The following CNEP1R1 variants were observed in gnomAD, a reference collection of about 807,000 sequenced individuals.
The protein encoded by CNEP1R1 is nuclear envelope phosphatase-regulatory subunit 1.
In CNEP1R1, 10 loss-of-function variants were observed where a neutral mutation model predicts 22.7. The ratio of observed to expected loss-of-function variants is 0.44; its 90% confidence interval spans 0.27 to 0.75. CNEP1R1 has a LOEUF of 0.75. CNEP1R1 is among the 30% of genes least tolerant of loss of function. The probability of loss-of-function intolerance (pLI) is 0.17; values close to 1 mark genes in which losing one functional copy is unlikely to be tolerated. For synonymous variants in CNEP1R1, 53 were observed against 50.1 expected (o/e 1.06, Z -0.25); for missense variants, 73 against 151.5 (o/e 0.48, Z 2.72).
chr16:50,028,253 G>C (rs1301275567), intron 2 of CNEP1R1, among the ~76,000 whole-genome samples: 2 of 152,166 alleles, frequency 1.3e-5, no homozygotes, highest in East Asian at 1.9e-4. Context: ...GAGCCACCAC[G>C]CTGGGCCAAA....
intron 2 of CNEP1R1, 21 bp downstream of exon 2, chr16:50,026,488 T>G: frequency 6.4e-7 from 1 of 1,556,312 alleles, no homozygotes; most frequent in South Asian, 1.1e-5. Context: ...GAATGTTATT[T>G]TAAGGGAAAA....
chr16:50,035,420 G>T lies in CNEP1R1; in HGVS notation c.340G>T (p.Gly114Ter). The change falls in exon 6 of 6, where the codon GGA (glycine) becomes TGA (stop). Residue 114 changes from glycine (G) to a stop codon, truncating the protein, a stop_gained. Coordinates refer to ENST00000427478, the MANE Select transcript of CNEP1R1 (RefSeq NM_001281789.2). LOFTEE classifies it high-confidence loss of function. Reference protein sequence around the residue: ...AEYNMSCDDTGKLILKPRPHV... With the variant: ...AEYNMSCDDT ...TTCTGTCTTTTCATTTTTGCAGACA[G>T]GAAAACTAATTTTGAAACCTAGGCC... 6.4e-7 allele frequency: 1 copy of T among 1,568,350 alleles called. No individual in the cohort carries two copies.
intron 5 of CNEP1R1, chr16:50,034,439 A>G (rs191355974): frequency 7.7e-5 from 31 of 400,376 alleles, no homozygotes; most frequent in African/African-American, 4.9e-4. Flanking sequence ...TCTTAGATTC[A>G]GTGAAGTACA....
intron 2 of CNEP1R1, chr16:50,026,857 C>T (rs1030637058): frequency 1.2e-5 from 2 of 171,830 alleles, no homozygotes; most frequent in East Asian, 3.1e-4. Flanking sequence ...CCTGTGATCC[C>T]AGCTACTCAG....
chr16:50,032,570 G>A (rs2036240265), intron 3 of CNEP1R1, among the ~76,000 whole-genome samples: 1 of 152,204 alleles, frequency 6.6e-6, no homozygotes, highest in Non-Finnish European at 1.5e-5. Context: ...AGTGTTATGA[G>A]GATATGTAAG....
At chr16:50,028,399 A>G (rs76111618) in intron 2 of CNEP1R1, among the ~76,000 whole-genome samples, 4,244 of 152,282 alleles carry the variant, frequency 0.028, 206 homozygotes, top group African/African-American at 0.098. Flanking sequence ...TATTGAAGCT[A>G]AGGATCTAAG....
In CNEP1R1 at chr16:50,036,944, T is replaced by G. The variant is rs2036284959; in HGVS notation, c.*1486T>G. The G allele has an allele frequency of 6.5e-6, 1 of 152,672 alleles. No homozygotes were observed. Among genetic ancestry groups the G allele is most frequent in the Admixed American group, 6.5e-5 (1 of 15,284 alleles). The allele number at this position is 152,672 out of a possible 1,614,324, so 9.5% of individuals were successfully genotyped here. A position where few individuals can be genotyped will look rare whatever the true frequency, so the allele number is the denominator to read the frequency against. ...TCTTAGCTTTCACTTGTATAAAATT[T>G]GATTCTTTGAACTGCAGCAATAAAA... On this transcript the variant is annotated 3_prime_UTR_variant, in exon 6 of 6. Transcript: ENST00000427478.
chr16:50,028,217 T>C (rs368850987), intron 2 of CNEP1R1, among the ~76,000 whole-genome samples: 1 of 152,218 alleles, frequency 6.6e-6, no homozygotes, highest in East Asian at 1.9e-4. Flanking sequence ...CATCCTGGCT[T>C]CCCAAAGTGC....
intron 2 of CNEP1R1, chr16:50,026,684 A>G: frequency 7.5e-6 from 4 of 529,978 alleles, no homozygotes; most frequent in South Asian, 4.7e-5. Context: ...ATTAAAAAAC[A>G]TATTTTTTGG....
chr16:50,029,868 G>T, intron 3 of CNEP1R1, 70 bp downstream of exon 3: 1 of 897,584 alleles, frequency 1.1e-6, no homozygotes, highest in Non-Finnish European at 1.8e-6. Flanking sequence ...CTTTGTTAAT[G>T]ATAAAGTATT....
chr16:50,025,858 A>G lies in CNEP1R1; in HGVS notation c.25+518A>G, dbSNP rs113657398. The G allele has an allele frequency of 7.4e-4, 463 of 626,924 alleles. 1 individual carries two copies. In the African/African-American group the frequency reaches 8.1e-3, roughly 11 times the overall value. The allele number at this position is 626,924 out of a possible 1,614,324, so 38.8% of individuals were successfully genotyped here. A position where few individuals can be genotyped will look rare whatever the true frequency, so the allele number is the denominator to read the frequency against. On this transcript the variant is annotated intron_variant, in intron 1 of 5. Coordinates refer to ENST00000427478, the MANE Select transcript of CNEP1R1 (RefSeq NM_001281789.2). Reference sequence around the variant, plus strand: ...CACCTGTACCCCTTCGGAGGGGGCAAGGGGAATGTCTTTCCACACCCACTC... The same window carrying G: ...CACCTGTACCCCTTCGGAGGGGGCAGGGGGAATGTCTTTCCACACCCACTC...
chr16:50,025,881 C>T (rs928771072), intron 1 of CNEP1R1: 1 of 600,132 alleles, frequency 1.7e-6, no homozygotes, highest in East Asian at 2.8e-5. Context: ...TCCACACCCA[C>T]TCGCTATCAG....
At chr16:50,028,198 TG>T (rs1388819770) in intron 2 of CNEP1R1, among the ~76,000 whole-genome samples, 2 of 152,178 alleles carry the variant, frequency 1.3e-5, no homozygotes, top group African/African-American at 4.8e-5. Context: ...TCACCTCAGG[TG>T]ATCCTCCCAT....
chr16:50,033,120 G>C (rs58069930), intron 3 of CNEP1R1, among the ~76,000 whole-genome samples: 13,558 of 152,082 alleles, frequency 0.089, 698 homozygotes, highest in East Asian at 0.26. Context: ...TTTTTGATAG[G>C]GTTGTTTTTT....
At chr16:50,027,571 G>A (rs1567410153) in intron 2 of CNEP1R1, among the ~76,000 whole-genome samples, 2 of 151,894 alleles carry the variant, frequency 1.3e-5, no homozygotes, top group African/African-American at 4.8e-5. Context: ...AGCAACTTGG[G>A]AGGATCACTT....
At chr16:50,032,960 G>A (rs969863642) in intron 3 of CNEP1R1, among the ~76,000 whole-genome samples, 7 of 151,438 alleles carry the variant, frequency 4.6e-5, no homozygotes, top group African/African-American at 1.7e-4. Flanking sequence ...ACCTGAGAAT[G>A]TGTCATTGCA....
At chr16:50,025,781 C>T (rs2036176939) in intron 1 of CNEP1R1, 2 of 1,211,922 alleles carry the variant, frequency 1.7e-6, no homozygotes, top group Admixed American at 3.5e-5. Context: ...CTCGGAGCAG[C>T]TTAGACGCCC....
chr16:50,033,498 A>G lies in CNEP1R1; in HGVS notation c.273A>G (p.Ala91=). 6.7e-7 allele frequency: 1 copy of G among 1,495,322 alleles called. No individual in the cohort carries two copies. The highest frequency in any genetic ancestry group is 9.3e-7 in the Non-Finnish European group (1 of 1,074,534). The allele number at this position is 1,495,322 out of a possible 1,614,324, so 92.6% of individuals were successfully genotyped here. Reference sequence around the variant, plus strand: ...CTGGAATACACAAGAGAGTAGTTGCACCATCAATGTATCCTTTACCAAGGA... The same window carrying G: ...CTGGAATACACAAGAGAGTAGTTGCGCCATCAATGTATCCTTTACCAAGGA... The part of the protein sequence containing the change: ...FFAGIHKRVV[A]PSIIAARCRT... Residue 91 remains alanine (A), a synonymous_variant, in exon 4 of 6, where the codon GCA becomes GCG. Coordinates refer to ENST00000427478, the MANE Select transcript of CNEP1R1 (RefSeq NM_001281789.2).
intron 3 of CNEP1R1, among the ~76,000 whole-genome samples, chr16:50,030,479 C>G (rs777995378): frequency 6.6e-6 from 1 of 152,150 alleles, no homozygotes; most frequent in Non-Finnish European, 1.5e-5. Context: ...ACATTTTCTT[C>G]TATGAGTTAT....
Sources: allele counts gnomAD v4.1 joint callset (sites outside exome capture counted in the v4.1 genomes callset), GRCh38; gene constraint gnomAD v4.1.1; transcripts MANE v1.5; gene names NCBI Gene and HGNC (gene_info 2026-07-23, HGNC 2026-07-21).